FRY: variants seen among roughly 807,000 people sequenced by gnomAD.
FRY encodes the protein FRY microtubule binding protein, also known as protein furry homolog.
FRY carries 128 observed loss-of-function variants against 348.4 expected under a neutral mutation model. The ratio of observed to expected loss-of-function variants is 0.37; its 90% CI spans 0.32 to 0.43. The LOEUF is 0.43. Ranked by LOEUF, FRY falls within the 20% of genes least tolerant of loss-of-function variation. The pLI is 1.00. For synonymous variants in FRY, 1,370 were observed against 1,374.7 expected (o/e 1.00, Z 0.08); for missense variants, 2,736 against 3,695.2 (o/e 0.74, Z 6.73).
In FRY at chr13:32,171,135, G is replaced by T. The variant is rs1250880343; in HGVS notation, c.2016G>T (p.Arg672=). Residue 672 remains arginine, a synonymous_variant, in exon 18 of 61, where the codon CGG becomes CGT. Transcript: ENST00000542859. ...VLFGFTNFLL[R]EVNDMHHTLL... ...TTGGCTTTACCAACTTCCTGCTCCG[G>T]GAAGTAAATGATATGCATCACACAC... The T allele has an allele frequency of 6.2e-7, 1 of 1,613,778 alleles. No individual in the cohort carries two copies. The highest frequency in any genetic ancestry group is 8.5e-7 in the Non-Finnish European group (1 of 1,179,876).
At chr13:32,221,891 C>T (rs1193505239) in intron 36 of FRY, among the ~76,000 whole-genome samples, 2 of 152,136 alleles carry the variant, frequency 1.3e-5, no homozygotes, top group African/African-American at 4.8e-5. Flanking sequence ...GTGCCAGGCA[C>T]CATTGTAGGT....
At chr13:32,077,278 T>C (rs957295513) in intron 1 of FRY, among the ~76,000 whole-genome samples, 1 of 152,088 alleles carries the variant, frequency 6.6e-6, no homozygotes, top group Non-Finnish European at 1.5e-5. Flanking sequence ...AGTGTTATGA[T>C]TAAAGCCATG....
intron 36 of FRY, among the ~76,000 whole-genome samples, chr13:32,221,575 C>T (rs950401884): frequency 3.3e-5 from 5 of 152,200 alleles, no homozygotes; most frequent in African/African-American, 9.6e-5. Context: ...TGCAATGTCA[C>T]GATCTTGGCT....
At chr13:32,133,921 G>A (rs549722892) in intron 8 of FRY, among the ~76,000 whole-genome samples, 7 of 151,570 alleles carry the variant, frequency 4.6e-5, no homozygotes, top group South Asian at 2.1e-4. Flanking sequence ...CTGGGACTAC[G>A]GGTGCCGCCA....
At chr13:32,287,908 CT>C in intron 58 of FRY, 1 of 1,303,076 alleles carries the variant, frequency 7.7e-7, no homozygotes. Flanking sequence ...CTTTCATACT[CT>C]TTGTCCATTT....
chr13:32,229,196 C>T (rs1376586501), intron 40 of FRY, among the ~76,000 whole-genome samples: 1 of 152,164 alleles, frequency 6.6e-6, no homozygotes, highest in African/African-American at 2.4e-5. Context: ...CCAAGAAAAA[C>T]TGCAAGTGGT....
At chr13:32,260,191 A>G (rs1446897485) in intron 51 of FRY, among the ~76,000 whole-genome samples, 7 of 152,262 alleles carry the variant, frequency 4.6e-5, no homozygotes, top group Non-Finnish European at 8.8e-5. Context: ...GATAATGCTC[A>G]TAAGTTTAAC....
At chr13:32,067,503 T>C (rs1227899545) in intron 1 of FRY, among the ~76,000 whole-genome samples, 1 of 152,222 alleles carries the variant, frequency 6.6e-6, no homozygotes, top group Non-Finnish European at 1.5e-5. Flanking sequence ...GTCAGGATTA[T>C]TTGTCAAGCT....
chr13:32,237,694 C>G lies in FRY; in HGVS notation c.6126C>G (p.Ala2042=), dbSNP rs769782310. Residue 2042 remains alanine (A), a synonymous_variant, in exon 44 of 61, where the codon GCC becomes GCG. Coordinates refer to ENST00000542859, the MANE Select transcript of FRY (RefSeq NM_023037.3). This position sits in a 1 kb window ranked among gnomAD's most constrained non-coding sequence, Gnocchi z 6.3. ...TAAACCATCCCACCAACCTGCTGGC[C>G]ACCATATTCTGGGTCACAGTGGCCT... ...SHINHPTNLL[A]TIFWVTVALM... 2.5e-6 allele frequency: 4 copies of G among 1,614,176 alleles called. No homozygotes were observed. Among genetic ancestry groups the G allele is most frequent in the Non-Finnish European group, 3.4e-6 (4 of 1,180,022 alleles).
At chr13:32,091,822 C>G (rs1480256943) in intron 2 of FRY, among the ~76,000 whole-genome samples, 2 of 152,044 alleles carry the variant, frequency 1.3e-5, no homozygotes, top group African/African-American at 4.8e-5. Context: ...CTCATTTTTT[C>G]TAAAAGATAG....
At chr13:32,171,304 CTTTTTTTTTTTTTTTT>C (rs71071026) in intron 18 of FRY, 34 bp downstream of exon 18, 2 of 531,608 alleles carry the variant, frequency 3.8e-6, no homozygotes, top group South Asian at 2.1e-5. Flanking sequence ...AATTTATATT[CTTTTTTTTTTTTTTTT>C]TTTTTTTTTT....
chr13:32,126,991 C>T (rs1002254899), intron 7 of FRY, among the ~76,000 whole-genome samples: 2 of 152,110 alleles, frequency 1.3e-5, no homozygotes, highest in Non-Finnish European at 2.9e-5. Flanking sequence ...TTAGCAGAAT[C>T]ACTATTTTTA....
intron 55 of FRY, among the ~76,000 whole-genome samples, chr13:32,273,314 TG>T (rs1491386378): frequency 1.4e-5 from 2 of 146,150 alleles, no homozygotes; most frequent in Non-Finnish European, 3.0e-5. Flanking sequence ...CTCCGCCCCC[TG>T]GGGTTCACGC....
At chr13:32,155,745 T>C (rs1881069697) in intron 15 of FRY, 83 bp downstream of exon 15, 1 of 891,198 alleles carries the variant, frequency 1.1e-6, no homozygotes, top group South Asian at 1.7e-5. Flanking sequence ...TGAGATGCAG[T>C]TTTTAAAAAT....
At chr13:32,056,516 A>G (rs1483840244) in intron 1 of FRY, among the ~76,000 whole-genome samples, 1 of 152,134 alleles carries the variant, frequency 6.6e-6, no homozygotes, top group Non-Finnish European at 1.5e-5. Context: ...ACACAATGAC[A>G]CATTATCTTT....
intron 35 of FRY, among the ~76,000 whole-genome samples, chr13:32,215,988 C>T (rs1800175406): frequency 6.6e-6 from 1 of 152,116 alleles, no homozygotes; most frequent in Admixed American, 6.5e-5. Context: ...TTTGAACGGT[C>T]TATGTTGAAA....
intron 1 of FRY, among the ~76,000 whole-genome samples, chr13:32,074,514 T>G (rs1394685845): frequency 6.6e-6 from 1 of 152,100 alleles, no homozygotes; most frequent in Admixed American, 6.5e-5. Context: ...ATTGAGCTGT[T>G]ATATGACGAT....
chr13:32,142,719 T>C (rs1345449064), intron 11 of FRY, among the ~76,000 whole-genome samples: 1 of 152,274 alleles, frequency 6.6e-6, no homozygotes, highest in Non-Finnish European at 1.5e-5. Context: ...CAAATGAATC[T>C]AGTTTATGCA....
At chr13:32,039,204 A>G (rs1468091176) in intron 1 of FRY, among the ~76,000 whole-genome samples, 2 of 152,236 alleles carry the variant, frequency 1.3e-5, no homozygotes, top group South Asian at 2.1e-4. Context: ...TATTTCTTCT[A>G]GCAGATGGCT....
Sources: gnomAD v4.1 joint callset for allele counts (sites outside exome capture counted in the v4.1 genomes callset) on GRCh38, gnomAD v4.1.1 for gene constraint, Gnocchi (gnomAD v3.1) non-coding constraint, MANE v1.5 for transcripts, NCBI Gene and HGNC (gene_info 2026-07-23, HGNC 2026-07-21) for gene names.